The following DMD variants were observed in gnomAD, a reference collection of about 807,000 sequenced individuals.
DMD encodes mutant dystrophin.
DMD carries 63 observed loss-of-function variants against 330.1 expected under a neutral mutation model. The ratio of observed to expected loss-of-function variants is 0.19; its 90% confidence interval spans 0.16 to 0.24. The LOEUF (loss-of-function observed/expected upper bound fraction) is 0.24. DMD is among the 10% of genes least tolerant of loss of function. The pLI is 1.00. For missense variants in DMD, 3,344 were observed against 2,684.1 expected, an observed-to-expected ratio of 1.25 and a Z score of -5.43; for synonymous variants, 1,223 against 959.8, an observed-to-expected ratio of 1.27 and a Z score of -5.07.
chrX:32,371,572 A>T (rs933208239), intron 34 of DMD, among the ~76,000 whole-genome samples: 6 of 111,687 alleles, frequency 5.4e-5, no homozygotes, highest in African/African-American at 1.9e-4. Flanking sequence ...AATGTTAGTG[A>T]TTAAATCAGA....
intron 7 of DMD, among the ~76,000 whole-genome samples, chrX:32,786,427 A>G (rs2075365311): frequency 9.0e-6 from 1 of 110,773 alleles, no homozygotes; most frequent in Non-Finnish European, 1.9e-5. Flanking sequence ...ATATTTTCAT[A>G]ACTGGTGAGT....
chrX:31,828,767 A>C (rs1275643496), intron 49 of DMD, among the ~76,000 whole-genome samples: 1 of 111,087 alleles, frequency 9.0e-6, no homozygotes, highest in African/African-American at 3.3e-5. Context: ...CCAGGACCAG[A>C]TGGATTCACA....
intron 51 of DMD, among the ~76,000 whole-genome samples, chrX:31,743,944 C>A (rs12687517): frequency 0.12 from 13,690 of 110,175 alleles, 652 homozygotes; most frequent in African/African-American, 0.17. Flanking sequence ...GCCGCCTTGA[C>A]CTCCTGGGCT....
chrX:33,043,488 G>C (rs2094333620), intron 1 of DMD, among the ~76,000 whole-genome samples: 1 of 110,585 alleles, frequency 9.0e-6, no homozygotes. Flanking sequence ...GTACTTGTCA[G>C]GTTTATAAGG....
At chrX:33,128,430 T>C in intron 1 of DMD, 1 of 971,160 alleles carries the variant, frequency 1.0e-6, no homozygotes, top group South Asian at 4.1e-5. Context: ...AGACAGCATT[T>C]TGCAAACACT....
At chrX:31,321,583 CAAAAAAAAAAAAA>C (rs1190446358) in intron 62 of DMD, among the ~76,000 whole-genome samples, 3 of 10,472 alleles carry the variant, frequency 2.9e-4, no homozygotes, top group Admixed American at 1.7e-3. Context: ...AACTCCATCT[CAAAAAAAAAAAAA>C]AAAAAAAAAA....
chrX:32,984,667 A>G (rs941569695), intron 2 of DMD, among the ~76,000 whole-genome samples: 2 of 112,212 alleles, frequency 1.8e-5, no homozygotes, highest in African/African-American at 6.5e-5. Context: ...AGCCAAGCAT[A>G]TAGTAAGCAC....
intron 4 of DMD, 92 bp from the exon 5 acceptor site, chrX:32,823,479 T>G: frequency 3.1e-6 from 2 of 643,502 alleles, no homozygotes; most frequent in South Asian, 2.4e-5. Context: ...GTAATTGCAT[T>G]TAGCTATTTT....
At chrX:32,842,023 G>T (rs998616403) in intron 4 of DMD, among the ~76,000 whole-genome samples, 3 of 112,057 alleles carry the variant, frequency 2.7e-5, no homozygotes, top group Admixed American at 9.4e-5. Flanking sequence ...TTGGATTCAG[G>T]TATCATAAAT....
chrX:31,550,278 C>G (rs1466133072), intron 55 of DMD, among the ~76,000 whole-genome samples: 1 of 111,818 alleles, frequency 8.9e-6, no homozygotes, highest in East Asian at 2.8e-4. Context: ...TTCATATTCT[C>G]CTTGGAACTG....
At chrX:33,214,744 C>A (rs969860378), upstream of DMD, among the ~76,000 whole-genome samples, 1 of 111,868 alleles carries the variant, frequency 8.9e-6, no homozygotes, top group African/African-American at 3.3e-5. Flanking sequence ...GTCTCAAACT[C>A]CTGGGCTCAA....
chrX:32,275,237 A>G (rs1359869976), intron 43 of DMD, among the ~76,000 whole-genome samples: 1 of 112,312 alleles, frequency 8.9e-6, no homozygotes, highest in African/African-American at 3.2e-5. Flanking sequence ...AAGACAGTAT[A>G]TAGAGGCTAC....
chrX:31,706,262 A>G (rs1320025988), intron 52 of DMD, among the ~76,000 whole-genome samples: 1 of 110,908 alleles, frequency 9.0e-6, no homozygotes, highest in African/African-American at 3.3e-5. Context: ...GTTGAGTAAA[A>G]TATCAGGTAG....
At chrX:32,600,760 A>G (rs1034256989) in intron 12 of DMD, among the ~76,000 whole-genome samples, 3 of 111,404 alleles carry the variant, frequency 2.7e-5, no homozygotes, top group African/African-American at 9.8e-5. Context: ...AGTTTATCTC[A>G]ATAAATGCAC....
chrX:33,218,815 C>G (rs952622878), intron 1 of DMD, among the ~76,000 whole-genome samples: 2 of 111,296 alleles, frequency 1.8e-5, no homozygotes, highest in African/African-American at 6.5e-5. Flanking sequence ...CTTCTTGTTA[C>G]GACTGTGTAA....
At chrX:32,045,712 C>A (rs1343198305) in intron 44 of DMD, among the ~76,000 whole-genome samples, 1 of 111,747 alleles carries the variant, frequency 8.9e-6, no homozygotes, top group Non-Finnish European at 1.9e-5. Flanking sequence ...TATAATCCTG[C>A]AAGCTCTTTG....
chrX:32,640,302 G>A (rs2059368101), intron 11 of DMD, among the ~76,000 whole-genome samples: 2 of 107,059 alleles, frequency 1.9e-5, no homozygotes, highest in South Asian at 4.1e-4. Context: ...AGGTATGTCA[G>A]CCTCATGACA....
Position 32,227,264 on chromosome X carries a change from C to CAT in DMD, c.6291-10203_6291-10202dup, listed in dbSNP as rs57305198. ...GTCTATCCTAGCTTCTAAGTCTAAGCATATATATATATATATATATATATA... is the reference window on the plus strand; with the variant it reads ...GTCTATCCTAGCTTCTAAGTCTAAGCATATATATATATATATATATATATATA... On this transcript the variant is annotated intron_variant, in intron 43 of 78. Transcript: ENST00000357033. Among the ~76,000 whole-genome samples the CAT allele has an allele frequency of 6.3e-3, 226 of 35,818 alleles. 2 individuals are homozygous for CAT. The highest frequency in any genetic ancestry group is 0.016 in the East Asian group (6 of 387). The allele number at this position is 35,818 out of a possible 115,157, so 31.1% of individuals were successfully genotyped here. A position where few individuals can be genotyped will look rare whatever the true frequency, so the allele number is the denominator to read the frequency against.
intron 43 of DMD, among the ~76,000 whole-genome samples, chrX:32,217,970 T>G (rs1364878383): frequency 8.9e-6 from 1 of 111,909 alleles, no homozygotes; most frequent in Non-Finnish European, 1.9e-5. Flanking sequence ...TATTTTATTG[T>G]AGTCACTAAA....
Sources: gnomAD v4.1 joint callset for allele counts (sites outside exome capture counted in the v4.1 genomes callset) on GRCh38, gnomAD v4.1.1 for gene constraint, MANE v1.5 for transcripts, NCBI Gene and HGNC (gene_info 2026-07-23, HGNC 2026-07-21) for gene names.